ECHDC2: variants seen among roughly 807,000 people sequenced by gnomAD.
The protein encoded by ECHDC2 is enoyl-CoA hydratase domain-containing protein 2, mitochondrial.
Under a neutral mutation model 40.6 loss-of-function variants are expected in ECHDC2, and 34 were observed. The ratio of observed to expected loss-of-function variants is 0.84; its 90% confidence interval spans 0.64 to 1.11. The LOEUF is 1.11. ECHDC2 is among the 50% of genes most tolerant of loss of function. ECHDC2 has a pLI of 0.00. For synonymous variants in ECHDC2, 162 were observed against 166.6 expected, an observed-to-expected ratio of 0.97 and a Z score of 0.21; for missense variants, 392 against 400.7, an observed-to-expected ratio of 0.98 and a Z score of 0.19.
Position 52,904,837 on chromosome 1 carries a change from C to T in ECHDC2, c.515-4G>A, listed in dbSNP as rs1647335134. On this transcript the variant is annotated splice_region_variant and splice_polypyrimidine_tract_variant and intron_variant, in intron 6 of 9. Coordinates refer to ENST00000371522, the MANE Select transcript of ECHDC2 (RefSeq NM_001198961.2). Reference sequence around the variant, plus strand: ...CGGGGCAGCCTCTGAGTCCCTCCTACCAGGATGGAGGGAGCAGGGTGGGAA... The same window carrying T: ...CGGGGCAGCCTCTGAGTCCCTCCTATCAGGATGGAGGGAGCAGGGTGGGAA... 1 of 1,610,726 alleles carries T rather than the reference C, an allele frequency of 6.2e-7. No homozygotes were observed. Among genetic ancestry groups the T allele is most frequent in the Non-Finnish European group, 8.5e-7 (1 of 1,178,322 alleles).
At chr1:52,898,979 G>C in intron 8 of ECHDC2, 195 bp downstream of exon 8, 1 of 668,894 alleles carries the variant, frequency 1.5e-6, no homozygotes, top group Non-Finnish European at 2.7e-6. Flanking sequence ...GATGAGGATA[G>C]AATGTAAACA....
At chr1:52,899,290 C>T in intron 7 of ECHDC2, 66 bp from the exon 8 acceptor site, 1 of 1,510,132 alleles carries the variant, frequency 6.6e-7, no homozygotes, top group Non-Finnish European at 9.1e-7. Flanking sequence ...GTCTGAGGTG[C>T]ACAGCTTTGT....
At chr1:52,917,319 CAAG>C (rs1007386955) in intron 1 of ECHDC2, among the ~76,000 whole-genome samples, 8 of 151,662 alleles carry the variant, frequency 5.3e-5, no homozygotes, top group Non-Finnish European at 1.0e-4. Context: ...CGCCCGGAAA[CAAG>C]GAGGATTTGC....
intron 4 of ECHDC2, chr1:52,907,589 G>T (rs1261068568): frequency 4.9e-6 from 2 of 405,160 alleles, no homozygotes; most frequent in Middle Eastern, 6.4e-4. Flanking sequence ...AACAGCAATT[G>T]TCAAAACTTG....
intron 1 of ECHDC2, chr1:52,913,584 T>C (rs1402376475): frequency 6.6e-6 from 1 of 152,214 alleles, no homozygotes; most frequent in African/African-American, 2.4e-5. Context: ...AGAATATTTA[T>C]TTGTTTATAA....
chr1:52,917,670 T>C, intron 1 of ECHDC2: 1 of 456,050 alleles, frequency 2.2e-6, no homozygotes, highest in South Asian at 1.5e-5. Context: ...TGATGATGTT[T>C]TAGTTGGTCA....
In ECHDC2 at chr1:52,897,417, A is replaced by ATG. The variant is rs1402437404; in HGVS notation, c.801+18_801+19dup. 1 of 1,613,580 alleles carries ATG rather than the reference A, an allele frequency of 6.2e-7. No homozygotes were observed. Among genetic ancestry groups the ATG allele is most frequent in the African/African-American group, 1.3e-5 (1 of 74,918 alleles). The stretch of plus-strand genomic sequence containing the variant: ...GCCCAGCCTATGTTAACAAGCAGGC[A>ATG]TGGGCTGGTTGCTACATACCTGGGC... On this transcript the variant is annotated intron_variant, in intron 9 of 9. Coordinates refer to ENST00000371522, the MANE Select transcript of ECHDC2 (RefSeq NM_001198961.2).
intron 5 of ECHDC2, chr1:52,905,690 T>C (rs1267517802): frequency 6.3e-6 from 1 of 159,282 alleles, no homozygotes; most frequent in Non-Finnish European, 1.4e-5. Context: ...GCATGGACCA[T>C]GTGAACGTGG....
intron 7 of ECHDC2, 35 bp downstream of exon 7, chr1:52,904,611 C>T: frequency 6.5e-7 from 1 of 1,531,238 alleles, no homozygotes; most frequent in Non-Finnish European, 8.8e-7. Context: ...CCCCATGACT[C>T]CAGCCCTCCT....
intron 1 of ECHDC2, chr1:52,917,644 ACAGTCAT>A: frequency 2.2e-6 from 1 of 456,116 alleles, no homozygotes; most frequent in South Asian, 1.5e-5. Context: ...GCCATTAATT[ACAGTCAT>A]GCACAGCATG....
In ECHDC2 at chr1:52,904,787, C is replaced by G. The variant is rs1647318230; in HGVS notation, c.561G>C (p.Lys187Asn). Residue 187 changes from lysine to asparagine, a missense_variant, in exon 7 of 10, where the codon AAG (lysine) becomes AAC (asparagine). Coordinates refer to ENST00000371522, the MANE Select transcript of ECHDC2 (RefSeq NM_001198961.2). ...GTCGTCGGCCCGTGAAGATGAGCTC[C>G]TTCGCCAGGGCCACCCCCAGACAAC... The part of the protein sequence containing the change: ...LPRCLGVALA[K>N]ELIFTGRRLS... 2 of 1,613,200 alleles carry G rather than the reference C, an allele frequency of 1.2e-6. No homozygotes were observed. Among genetic ancestry groups the G allele is most frequent in the Admixed American group, 1.7e-5 (1 of 60,008 alleles).
chr1:52,897,634 T>C, intron 8 of ECHDC2, 150 bp from the exon 9 acceptor site: 1 of 755,126 alleles, frequency 1.3e-6, no homozygotes, highest in South Asian at 1.5e-5. Context: ...ACACCATTCG[T>C]AACTATGACA....
chr1:52,910,369 T>G (rs978697300), intron 3 of ECHDC2, among the ~76,000 whole-genome samples: 13 of 113,428 alleles, frequency 1.1e-4, no homozygotes, highest in East Asian at 5.1e-4. Context: ...TTTTTTTTTT[T>G]TTTTTTTTTT....
chr1:52,899,185 G>A lies in ECHDC2; in HGVS notation c.742C>T (p.Arg248Ter), dbSNP rs148235826. ...CAAAACCCTCTCACCTCCGTTCCTC[G>A]GTCAATGGCTACTTTGCCCAGCCGC... ...AVRLGKVAIDRGTEVDIASGM... is the reference protein window; with the variant it reads ...AVRLGKVAID The change falls in exon 8 of 10, where the codon CGA (arginine) becomes TGA (stop). Residue 248 changes from arginine to a stop codon, truncating the protein, a stop_gained. Coordinates refer to ENST00000371522, the MANE Select transcript of ECHDC2 (RefSeq NM_001198961.2). LOFTEE classifies it high-confidence loss of function. The A allele has an allele frequency of 2.2e-5, 35 of 1,613,992 alleles. No homozygotes were observed. The highest frequency in any genetic ancestry group is 1.3e-4 in the East Asian group (6 of 44,884).
intron 1 of ECHDC2, chr1:52,921,278 G>A (rs1651825979): frequency 1.8e-6 from 1 of 563,048 alleles, no homozygotes; most frequent in Non-Finnish European, 2.7e-6. Context: ...TCCTACCCGT[G>A]CGGACCCCGC....
chr1:52,921,429 G>T lies in ECHDC2; in HGVS notation c.121+124C>A, dbSNP rs963474659. 2.1e-6 allele frequency: 3 copies of T among 1,437,190 alleles called. No individual in the cohort carries two copies. The African/African-American group carries it at 4.4e-5, about 21-fold the overall frequency. The allele number at this position is 1,437,190 out of a possible 1,614,324, so 89.0% of individuals were successfully genotyped here. ...GGCCTGGAGCGGTTTGGGGCGCCTA[G>T]AACTGGGAGGGAGGGACTGGGGATC... On this transcript the variant is annotated intron_variant, in intron 1 of 9. Transcript: ENST00000371522.
Position 52,904,638 on chromosome 1 carries a change from C to G in ECHDC2, c.702+8G>C. The G allele has an allele frequency of 6.3e-7, 1 of 1,575,128 alleles. No homozygotes were observed. The highest frequency in any genetic ancestry group is 2.3e-5 in the East Asian group (1 of 44,354). Reference sequence around the variant, plus strand: ...AGCCCTCCTTCTGGTGCCGAGCTGTCACCACACCTGGGGCAGGATCTCCTG... The same window carrying G: ...AGCCCTCCTTCTGGTGCCGAGCTGTGACCACACCTGGGGCAGGATCTCCTG... On this transcript the variant is annotated splice_region_variant and intron_variant, in intron 7 of 9. Coordinates refer to ENST00000371522, the MANE Select transcript of ECHDC2 (RefSeq NM_001198961.2).
intron 1 of ECHDC2, 187 bp from the exon 2 acceptor site, chr1:52,911,977 C>A: frequency 7.0e-7 from 1 of 1,431,026 alleles, no homozygotes; most frequent in Non-Finnish European, 9.1e-7. Flanking sequence ...GAGAGAAAAA[C>A]CCTTGCTCTT....
intron 1 of ECHDC2, chr1:52,917,530 C>T (rs1650977292): frequency 2.4e-5 from 11 of 455,838 alleles, no homozygotes; most frequent in South Asian, 1.7e-4. Context: ...GAGCAAAACA[C>T]AGAGGTAACA....
Sources: allele counts gnomAD v4.1 joint callset (sites outside exome capture counted in the v4.1 genomes callset), GRCh38; gene constraint gnomAD v4.1.1; transcripts MANE v1.5; gene names NCBI Gene and HGNC (gene_info 2026-07-23, HGNC 2026-07-21).